The following PLEC variants were observed in gnomAD, a reference collection of about 807,000 sequenced individuals.
The protein encoded by PLEC is hemidesmosomal protein 1.
Under a neutral mutation model 392.8 loss-of-function variants are expected in PLEC, and 216 were observed. That is an observed-to-expected ratio of 0.55 (90% confidence interval 0.49 to 0.62). PLEC has a LOEUF of 0.62. Ranked by LOEUF, PLEC falls within the 20% of genes least tolerant of loss-of-function variation. PLEC has a pLI of 0.00. For synonymous variants in PLEC, 3,621 were observed against 2,980.6 expected, an observed-to-expected ratio of 1.21 and a Z score of -7.00; for missense variants, 6,863 against 6,563.4, an observed-to-expected ratio of 1.05 and a Z score of -1.58.
upstream of PLEC, among the ~76,000 whole-genome samples, chr8:143,953,263 C>T (rs1167940859): frequency 6.8e-6 from 1 of 146,268 alleles, no homozygotes; most frequent in Admixed American, 6.7e-5. Flanking sequence ...CCCCCCCACC[C>T]CACCCCAAGA....
chr8:143,918,148 C>G lies in PLEC; in HGVS notation c.11673G>C (p.Gln3891His), dbSNP rs1554674153. ...AGCGCACCAGCTCCTCCATGGTGATCTGCTTCCGCAGGCCACGGAAGGTCA... is the reference window on the plus strand; with the variant it reads ...AGCGCACCAGCTCCTCCATGGTGATGTGCTTCCGCAGGCCACGGAAGGTCA... ...RKLTFRGLRK[Q>H]ITMEELVRSQ... The change falls in exon 32 of 32, where the codon CAG (glutamine) becomes CAC (histidine). Residue 3891 changes from glutamine to histidine, a missense_variant. Transcript: ENST00000345136. 2 of 1,598,676 alleles carry G rather than the reference C, an allele frequency of 1.3e-6. No homozygotes were observed. The highest frequency in any genetic ancestry group is 1.3e-5 in the African/African-American group (1 of 74,908).
At chr8:143,953,710 G>A (rs1554738132), upstream of PLEC, 2 of 1,609,120 alleles carry the variant, frequency 1.2e-6, no homozygotes, top group East Asian at 2.2e-5. Context: ...GCTCGGGCCC[G>A]GCCCCAGGAC....
In PLEC at chr8:143,924,545, C is replaced by G; in HGVS notation, c.5384G>C (p.Arg1795Pro). The G allele has an allele frequency of 6.5e-7, 1 of 1,540,696 alleles. No individual in the cohort carries two copies. The highest frequency in any genetic ancestry group is 8.7e-7 in the Non-Finnish European group (1 of 1,150,030). ...GGCCTCCTCGGCCAGCTCGCGGAAC[C>G]GGCCGGCCTCGGCCTCCAGCCTCTG... The part of the protein sequence containing the change: ...SKQRLEAEAG[R>P]FRELAEEAAR... The change falls in exon 31 of 32, where the codon CGG becomes CCG. Residue 1795 changes from arginine to proline, a missense_variant. Coordinates refer to ENST00000345136, the MANE Select transcript of PLEC (RefSeq NM_201384.3).
chr8:143,931,224 G>A (rs1186779585), intron 19 of PLEC, among the ~76,000 whole-genome samples: 1 of 152,128 alleles, frequency 6.6e-6, no homozygotes, highest in Admixed American at 6.5e-5. Context: ...GGAGATGGGG[G>A]CGGCCCGGCT....
Position 143,925,154 on chromosome 8 carries a change from A to T in PLEC, c.4775T>A (p.Leu1592Gln). 1 of 1,558,914 alleles carries T rather than the reference A, an allele frequency of 6.4e-7. No individual in the cohort carries two copies. The highest frequency in any genetic ancestry group is 1.7e-4 in the Middle Eastern group (1 of 5,780). Residue 1592 changes from leucine to glutamine, a missense_variant, in exon 31 of 32, where the codon CTG becomes CAG. Coordinates refer to ENST00000345136, the MANE Select transcript of PLEC (RefSeq NM_201384.3). ...GTGTTCCTCCTGCAGGGAGCGCTCC[A>T]GCTGTGCCGTCTTCTCGGCGAAGGA... ...RASFAEKTAQ[L>Q]ERSLQEEHVA...
intron 14 of PLEC, 30 bp from the exon 15 acceptor site, chr8:143,932,742 G>A: frequency 1.2e-6 from 2 of 1,608,768 alleles, no homozygotes; most frequent in Non-Finnish European, 1.7e-6. Flanking sequence ...GAGGTCTGCA[G>A]TGGCTGGGCC....
exon 1 of PLEC, chr8:143,950,848 T>C: frequency 2.7e-6 from 4 of 1,467,856 alleles, no homozygotes; most frequent in South Asian, 1.4e-5. Context: ...GCAGGCAGGC[T>C]GGGGTGCTGA....
intron 1 of PLEC, chr8:143,946,574 G>A (rs1451313553): frequency 5.4e-6 from 2 of 369,192 alleles, no homozygotes; most frequent in Non-Finnish European, 1.0e-5. Flanking sequence ...GGTCAGACCA[G>A]CCCAGCAGAC....
At chr8:143,943,116 C>T (rs181244953), upstream of PLEC, among the ~76,000 whole-genome samples, 722 of 152,296 alleles carry the variant, frequency 4.7e-3, 6 homozygotes, top group African/African-American at 0.017. Flanking sequence ...CATCTTGACT[C>T]ATCTCAAGTC....
In PLEC at chr8:143,934,892, A is replaced by G; in HGVS notation, c.863T>C (p.Val288Ala). The change falls in exon 9 of 32, where the codon GTG becomes GCG. Residue 288 changes from valine (V) to alanine (A), a missense_variant. By Grantham distance (64) the Val-to-Ala change is moderately conservative. Transcript: ENST00000345136. Reference protein sequence around the residue: ...QLRWQEYRELVLLLLQWMRHH... With the variant: ...QLRWQEYRELALLLLQWMRHH... ...TCGCATCCACTGAAGCAGCAGCAGC[A>G]CCAGCTCCCGGTACTCCTGCCAGCG... 1 of 1,611,386 alleles carries G rather than the reference A, an allele frequency of 6.2e-7. No individual in the cohort carries two copies. The highest frequency in any genetic ancestry group is 1.7e-5 in the Admixed American group (1 of 59,994).
chr8:143,936,909 C>T, intron 5 of PLEC, 70 bp downstream of exon 5: 1 of 1,246,572 alleles, frequency 8.0e-7, no homozygotes, highest in East Asian at 2.3e-5. Flanking sequence ...GATCAACCCG[C>T]CAGCCAAGGA....
chr8:143,942,555 T>G, upstream of PLEC: 7 of 1,529,212 alleles, frequency 4.6e-6, no homozygotes, highest in Non-Finnish European at 4.4e-6. Flanking sequence ...CCACGGACAG[T>G]GCGGGGAGCT....
At chr8:143,936,378 T>C (rs1381117284) in intron 5 of PLEC, among the ~76,000 whole-genome samples, 4 of 152,132 alleles carry the variant, frequency 2.6e-5, no homozygotes, top group African/African-American at 4.8e-5. Context: ...GCAGTGGGCA[T>C]AAGAGGAACC....
chr8:143,920,419 C>T lies in PLEC; in HGVS notation c.9402G>A (p.Leu3134=), dbSNP rs1822190993. The change falls in exon 32 of 32, where the codon TTG becomes TTA. Residue 3134 remains leucine (L), a synonymous_variant. Transcript: ENST00000345136. ...LIPREQGLRL[L]DAQLSTGGIV... ...TGCCGCCCGTGGACAGCTGGGCGTC[C>T]AACAGGCGCAGGCCCTGCTCCCGGG... The T allele has an allele frequency of 3.1e-6, 5 of 1,594,576 alleles. No homozygotes were observed. Among genetic ancestry groups the T allele is most frequent in the Non-Finnish European group, 4.3e-6 (5 of 1,173,322 alleles).
At chr8:143,950,345 C>T in exon 1 of PLEC, 1 of 1,582,046 alleles carries the variant, frequency 6.3e-7, no homozygotes, top group Non-Finnish European at 8.6e-7. Flanking sequence ...GCCCAGGGGA[C>T]CCTGCACAGC....
rs759155242 is a variant in PLEC at position 143,916,635 on chromosome 8, C to T, written c.13186G>A (p.Gly4396Ser). ...CCCGGCGTGTCGGGCTCGATCAAGC[C>T]GCCGGTCAGGTACTGCACCTCCAGG... ...RFLEVQYLTG[G>S]LIEPDTPGRV... Residue 4396 changes from glycine (G) to serine (S), a missense_variant, in exon 32 of 32, where the codon GGC becomes AGC. By Grantham distance (56) the Gly-to-Ser change is moderately conservative. Coordinates refer to ENST00000345136, the MANE Select transcript of PLEC (RefSeq NM_201384.3). The T allele has an allele frequency of 5.6e-6, 9 of 1,610,214 alleles. No homozygotes were observed. The highest frequency in any genetic ancestry group is 1.3e-5 in the African/African-American group (1 of 74,870).
Position 143,930,374 on chromosome 8 carries a change from C to G in PLEC, c.2457+10G>C. 1 of 1,574,848 alleles carries G rather than the reference C, an allele frequency of 6.3e-7. No individual in the cohort carries two copies. Among genetic ancestry groups the G allele is most frequent in the South Asian group, 1.1e-5 (1 of 87,092 alleles). On this transcript the variant is annotated intron_variant, in intron 20 of 31. Transcript: ENST00000345136. The stretch of plus-strand genomic sequence containing the variant: ...CCACGCCCCCCAGTGGACCCCCGGC[C>G]TGCGCTCACCTCCACCTGCTTATAG...
At chr8:143,950,861 G>C (rs1255817791) in exon 1 of PLEC, 2 of 1,425,612 alleles carry the variant, frequency 1.4e-6, no homozygotes, top group Non-Finnish European at 1.9e-6. Flanking sequence ...GGTGCTGAGC[G>C]TGAGGGCGCG....
intron 3 of PLEC, 135 bp from the exon 4 acceptor site, chr8:143,937,377 C>T: frequency 1.4e-6 from 1 of 704,072 alleles, no homozygotes. Context: ...CCAGGTTCAC[C>T]CTCCCCCGCA....
Sources: allele counts gnomAD v4.1 joint callset (sites outside exome capture counted in the v4.1 genomes callset), GRCh38; gene constraint gnomAD v4.1.1; transcripts MANE v1.5; gene names NCBI Gene and HGNC (gene_info 2026-07-23, HGNC 2026-07-21).